AFTPH: variants seen among roughly 807,000 people sequenced by gnomAD.
AFTPH encodes the protein aftiphilin protein.
A neutral mutation model predicts 72.5 loss-of-function variants in AFTPH; 7 were observed. The ratio of observed to expected loss-of-function variants is 0.10; its 90% CI spans 0.05 to 0.18. AFTPH has a LOEUF of 0.18. AFTPH is among the 10% of genes least tolerant of loss of function. The pLI, the probability that AFTPH is intolerant of heterozygous loss-of-function variation, is 1.00. For synonymous variants in AFTPH, 337 were observed against 370.1 expected (o/e 0.91, Z 1.03); for missense variants, 979 against 1,060.5 (o/e 0.92, Z 1.07).
chr2:64,579,060 TATTAGCCCATA>T (rs1285271345), intron 6 of AFTPH: 1 of 154,310 alleles, frequency 6.5e-6, no homozygotes, highest in Non-Finnish European at 1.4e-5. Flanking sequence ...AAAAATGTCT[TATTAGCCCATA>T]ATTTTCAAAA....
intron 2 of AFTPH, among the ~76,000 whole-genome samples, chr2:64,565,120 TGA>T (rs1573003349): frequency 6.6e-6 from 1 of 151,946 alleles, no homozygotes; most frequent in African/African-American, 2.4e-5. Flanking sequence ...ATTACAGGCG[TGA>T]GACACTGCAC....
intron 1 of AFTPH, 63 bp from the exon 2 acceptor site, chr2:64,551,379 AT>A: frequency 7.7e-7 from 1 of 1,306,420 alleles, no homozygotes; most frequent in East Asian, 2.4e-5. Flanking sequence ...CTTTGAGAGA[AT>A]TTTGAAAGAT....
exon 9 of AFTPH, chr2:64,592,169 T>C (rs1673869224): frequency 1.2e-6 from 1 of 841,422 alleles, no homozygotes; most frequent in African/African-American, 1.7e-5. Context: ...TAAGCCGCAC[T>C]AGAAAGGTAT....
chr2:64,581,345 TAAACAAGG>T, intron 7 of AFTPH, 72 bp downstream of exon 8: 1 of 1,271,822 alleles, frequency 7.9e-7, no homozygotes, highest in Admixed American at 2.6e-5. Context: ...GACTTTCCTA[TAAACAAGG>T]AAACAAGTAG....
At chr2:64,552,299 T>C (rs1671097878) in exon 2 of AFTPH, 1 of 1,614,014 alleles carries the variant, frequency 6.2e-7, no homozygotes, top group Non-Finnish European at 8.5e-7. Context: ...AACTGAATTC[T>C]GTAAAAGAAG....
intron 2 of AFTPH, among the ~76,000 whole-genome samples, chr2:64,556,097 C>T (rs1383930480): frequency 6.6e-6 from 1 of 151,596 alleles, no homozygotes; most frequent in African/African-American, 2.4e-5. Context: ...AAGCAGTTCT[C>T]CTGCCTCAGC....
intron 1 of AFTPH, among the ~76,000 whole-genome samples, chr2:64,538,285 C>G (rs1464997477): frequency 6.6e-6 from 1 of 151,824 alleles, no homozygotes; most frequent in Non-Finnish European, 1.5e-5. Context: ...TTTCTTTTAT[C>G]CTTTAGCCTT....
At chr2:64,549,225 A>C (rs1461710469) in intron 1 of AFTPH, among the ~76,000 whole-genome samples, 2 of 151,778 alleles carry the variant, frequency 1.3e-5, no homozygotes, top group Non-Finnish European at 2.9e-5. Context: ...CATGTATCTA[A>C]CTGGGCAGCT....
At chr2:64,557,368 T>C (rs1055332231) in intron 2 of AFTPH, among the ~76,000 whole-genome samples, 2 of 152,270 alleles carry the variant, frequency 1.3e-5, no homozygotes, top group African/African-American at 4.8e-5. Flanking sequence ...TTGATAATGC[T>C]ACAGGGAAAA....
intron 7 of AFTPH, among the ~76,000 whole-genome samples, chr2:64,582,286 T>G (rs1408859183): frequency 6.6e-6 from 1 of 152,162 alleles, no homozygotes; most frequent in Non-Finnish European, 1.5e-5. Flanking sequence ...CTTCCAACAG[T>G]TGAGCAGCCA....
At chr2:64,555,236 AAAAC>A (rs1183708534) in intron 2 of AFTPH, among the ~76,000 whole-genome samples, 1 of 152,212 alleles carries the variant, frequency 6.6e-6, no homozygotes, top group African/African-American at 2.4e-5. Context: ...TTATAAAAAT[AAAAC>A]AAACTATAGA....
In AFTPH at chr2:64,575,747, A is replaced by ATATT. The variant is rs1553404083; in HGVS notation, c.2394+2680_2394+2681insATTT. Among the ~76,000 whole-genome samples the ATATT allele has an allele frequency of 2.0e-3, 225 of 109,806 alleles. 2 individuals carry two copies. Among genetic ancestry groups the ATATT allele is most frequent in the East Asian group, 0.014 (55 of 3,964 alleles). The allele number at this position is 109,806 out of a possible 152,430, so 72.0% of individuals were successfully genotyped here. A position where few individuals can be genotyped will look rare whatever the true frequency, so the allele number is the denominator to read the frequency against. ...TGTGTGTGTGTGTGTGTGTGTATAT[A>ATATT]TTTTTTTTGGAGGTAGAGTCTTGCT... On this transcript the variant is annotated intron_variant, in intron 6 of 8. Coordinates refer to ENST00000238856, the Ensembl canonical transcript of AFTPH.
At chr2:64,537,340 G>C (rs1340017200) in intron 1 of AFTPH, among the ~76,000 whole-genome samples, 1 of 152,108 alleles carries the variant, frequency 6.6e-6, no homozygotes, top group East Asian at 1.9e-4. Context: ...TATTACCTGG[G>C]TGATGAAATA....
chr2:64,572,307 A>G (rs949388815), intron 5 of AFTPH, among the ~76,000 whole-genome samples: 1 of 152,078 alleles, frequency 6.6e-6, no homozygotes, highest in Non-Finnish European at 1.5e-5. Context: ...GGCTGTATAT[A>G]TCTGCTTTGC....
intron 1 of AFTPH, among the ~76,000 whole-genome samples, chr2:64,550,650 A>T (rs1670971357): frequency 6.6e-6 from 1 of 150,846 alleles, no homozygotes; most frequent in East Asian, 2.0e-4. Context: ...TAATCCACAC[A>T]TATAAAATTT....
intron 7 of AFTPH, among the ~76,000 whole-genome samples, chr2:64,584,696 A>G (rs1489008119): frequency 6.8e-6 from 1 of 146,006 alleles, no homozygotes; most frequent in East Asian, 2.0e-4. Context: ...TTCCGGGTTC[A>G]TGCCATTCTC....
chr2:64,531,529 A>T (rs529905877), intron 1 of AFTPH, among the ~76,000 whole-genome samples: 1 of 152,216 alleles, frequency 6.6e-6, no homozygotes. Context: ...GCTTAATGCC[A>T]TGCTCTTTTT....
chr2:64,529,315 G>GTTT (rs33964756), intron 1 of AFTPH, among the ~76,000 whole-genome samples: 2,055 of 145,988 alleles, frequency 0.014, 44 homozygotes, highest in African/African-American at 0.048. Flanking sequence ...CCTTTTTGAA[G>GTTT]TTTTTTTTTT....
At chr2:64,529,141 C>T (rs1446992702) in intron 1 of AFTPH, among the ~76,000 whole-genome samples, 1 of 152,132 alleles carries the variant, frequency 6.6e-6, no homozygotes. Flanking sequence ...ATTCAAGGCC[C>T]TTGCAACCTA....
Sources: gnomAD v4.1 joint callset for allele counts (sites outside exome capture counted in the v4.1 genomes callset) on GRCh38, gnomAD v4.1.1 for gene constraint, MANE v1.5 for transcripts, NCBI Gene and HGNC (gene_info 2026-07-23, HGNC 2026-07-21) for gene names.